Variants in DNAH14 observed in about 807,000 individuals in gnomAD.
DNAH14 encodes the protein dynein axonemal heavy chain 14, also known as axonemal beta dynein heavy chain 14.
DNAH14 carries 478 observed loss-of-function variants against 520.9 expected under a neutral mutation model. The ratio of observed to expected loss-of-function variants is 0.92; its 90% CI spans 0.85 to 0.99. The LOEUF (loss-of-function observed/expected upper bound fraction) is 0.99. Ranked by LOEUF, DNAH14 falls within the 50% of genes least tolerant of loss-of-function variation. The probability of loss-of-function intolerance (pLI) is 0.00; values close to 1 mark genes in which losing one functional copy is unlikely to be tolerated. For missense variants in DNAH14, 4,831 were observed against 5,234.5 expected (o/e 0.92, Z 2.38); for synonymous variants, 1,581 against 1,757.2 (o/e 0.90, Z 2.51).
At chr1:225,264,318 G>T in intron 47 of DNAH14, 57 bp downstream of exon 47, 1 of 1,289,814 alleles carries the variant, frequency 7.8e-7, no homozygotes, top group Non-Finnish European at 1.1e-6. Flanking sequence ...TCACAACCAT[G>T]TGTATATTAT....
chr1:225,360,672 G>C lies in DNAH14; in HGVS notation c.11777-9G>C. ...ACAGTTTTATATACCTCTCCACGTT[G>C]TTATACAGGGATCGACCTTACCAAT... On this transcript the variant is annotated splice_polypyrimidine_tract_variant and intron_variant, in intron 74 of 85. Transcript: ENST00000682510. The C allele has an allele frequency of 1.3e-6, 2 of 1,550,368 alleles. No individual in the cohort carries two copies. Among genetic ancestry groups the C allele is most frequent in the South Asian group, 2.4e-5 (2 of 83,998 alleles).
At chr1:225,211,853 G>A (rs962667693) in intron 41 of DNAH14, among the ~76,000 whole-genome samples, 8 of 151,476 alleles carry the variant, frequency 5.3e-5, no homozygotes, top group African/African-American at 9.7e-5. Context: ...CATTCTTAAA[G>A]GAAAGAATTT....
At chr1:225,018,090 T>A (rs939658250) in intron 10 of DNAH14, among the ~76,000 whole-genome samples, 2 of 152,194 alleles carry the variant, frequency 1.3e-5, no homozygotes, top group African/African-American at 4.8e-5. Flanking sequence ...TGTCACACAT[T>A]TAATTCAGAA....
chr1:224,999,962 A>C (rs1057321128), intron 8 of DNAH14, among the ~76,000 whole-genome samples: 1 of 152,132 alleles, frequency 6.6e-6, no homozygotes, highest in African/African-American at 2.4e-5. Context: ...CATGAGAGGA[A>C]TATTCTGTTT....
chr1:225,085,127 G>A (rs1048980442), intron 20 of DNAH14, among the ~76,000 whole-genome samples: 1 of 152,046 alleles, frequency 6.6e-6, no homozygotes, highest in Non-Finnish European at 1.5e-5. Context: ...TAACACCATC[G>A]AGATGACATA....
intron 11 of DNAH14, among the ~76,000 whole-genome samples, chr1:225,034,028 C>G (rs991835899): frequency 1.3e-5 from 2 of 152,174 alleles, no homozygotes; most frequent in African/African-American, 2.4e-5. Context: ...TTTGACTTCT[C>G]TCTTCCTATT....
At chr1:225,390,681 C>T (rs995883655) in intron 83 of DNAH14, among the ~76,000 whole-genome samples, 1 of 152,028 alleles carries the variant, frequency 6.6e-6, no homozygotes, top group Non-Finnish European at 1.5e-5. Flanking sequence ...TATCCAGGTG[C>T]GGACAGGGGA....
chr1:225,179,456 T>C (rs1239584378), intron 36 of DNAH14, among the ~76,000 whole-genome samples: 1 of 152,172 alleles, frequency 6.6e-6, no homozygotes, highest in Non-Finnish European at 1.5e-5. Flanking sequence ...CAACATAACT[T>C]TAATCACAAC....
At chr1:225,018,974 G>A (rs1321351447) in intron 10 of DNAH14, among the ~76,000 whole-genome samples, 1 of 152,080 alleles carries the variant, frequency 6.6e-6, no homozygotes, top group African/African-American at 2.4e-5. Flanking sequence ...ACACACTTAA[G>A]TACATAGGCC....
At chr1:225,262,927 G>T (rs1260741836) in intron 46 of DNAH14, among the ~76,000 whole-genome samples, 6 of 151,430 alleles carry the variant, frequency 4.0e-5, no homozygotes, top group African/African-American at 1.2e-4. Flanking sequence ...AGATTGCTTG[G>T]GCAGTATGGT....
Position 225,117,944 on chromosome 1 carries a change from C to G in DNAH14, c.4036C>G (p.Pro1346Ala). 1 of 1,551,400 alleles carries G rather than the reference C, an allele frequency of 6.4e-7. No homozygotes were observed. Among genetic ancestry groups the G allele is most frequent in the Non-Finnish European group, 8.7e-7 (1 of 1,146,842 alleles). The change falls in exon 25 of 86, where the codon CCT becomes GCT. Residue 1346 changes from proline to alanine, a missense_variant. By Grantham distance (27) the Pro-to-Ala change is conservative. Coordinates refer to ENST00000682510, the MANE Select transcript of DNAH14 (RefSeq NM_001367479.1). Reference sequence around the variant, plus strand: ...ATTGATATGGAAACAAGACATTGGCCCTCCTGCTGTAAAAATGCTAATATC... The same window carrying G: ...ATTGATATGGAAACAAGACATTGGCGCTCCTGCTGTAAAAATGCTAATATC... ...QLLIWKQDIG[P>A]PAVKMLISAE...
intron 84 of DNAH14, among the ~76,000 whole-genome samples, chr1:225,394,397 C>CAA (rs1386915451): frequency 6.6e-6 from 1 of 152,150 alleles, no homozygotes; most frequent in Non-Finnish European, 1.5e-5. Flanking sequence ...TTTGTTTTAA[C>CAA]AAAGTCCAGT....
intron 34 of DNAH14, among the ~76,000 whole-genome samples, chr1:225,156,936 C>T (rs2081106046): frequency 9.1e-6 from 1 of 110,480 alleles, no homozygotes; most frequent in African/African-American, 3.9e-5. Context: ...GGGATGGTCT[C>T]GATCTCTTGA....
chr1:225,042,515 C>G (rs2067571328), intron 12 of DNAH14, among the ~76,000 whole-genome samples: 1 of 152,146 alleles, frequency 6.6e-6, no homozygotes, highest in Non-Finnish European at 1.5e-5. Context: ...GGCCCTGCCT[C>G]TGACTTTTTA....
At chr1:225,002,355 G>A (rs2489319) in intron 8 of DNAH14, among the ~76,000 whole-genome samples, 14,579 of 152,094 alleles carry the variant, frequency 0.096, 2,257 homozygotes, top group African/African-American at 0.33. Flanking sequence ...GGTAGTTGGA[G>A]ATTTTAAGAA....
chr1:225,124,901 G>C, intron 27 of DNAH14, among the ~76,000 whole-genome samples: 1 of 150,648 alleles, frequency 6.6e-6, no homozygotes, highest in Non-Finnish European at 1.5e-5. Flanking sequence ...AAAGTCAAAA[G>C]TACTCATTGA....
intron 17 of DNAH14, among the ~76,000 whole-genome samples, chr1:225,068,845 G>GACAGTGGAGTTTTCTAAATATCGGATCAT (rs1572845878): frequency 5.8e-4 from 1 of 1,726 alleles, no homozygotes; most frequent in African/African-American, 3.1e-3. Context: ...GCTTTTGGGA[G>GACAGTGGAGTTTTCTAAATATCGGATCAT]GCCGAGGCGG....
intron 44 of DNAH14, among the ~76,000 whole-genome samples, chr1:225,256,639 C>A (rs1429111068): frequency 6.6e-6 from 1 of 151,892 alleles, no homozygotes; most frequent in Non-Finnish European, 1.5e-5. Flanking sequence ...TAAATTAATC[C>A]ATGAAGTAAA....
chr1:224,977,112 G>A (rs534688487), intron 8 of DNAH14, among the ~76,000 whole-genome samples: 6 of 151,900 alleles, frequency 3.9e-5, no homozygotes, highest in African/African-American at 1.2e-4. Context: ...TGATAGACTG[G>A]ATTAAGAAAA....
Sources: allele counts gnomAD v4.1 joint callset (sites outside exome capture counted in the v4.1 genomes callset), GRCh38; gene constraint gnomAD v4.1.1; transcripts MANE v1.5; gene names NCBI Gene and HGNC (gene_info 2026-07-23, HGNC 2026-07-21).